PCDH15: variants seen among roughly 807,000 people sequenced by gnomAD.
The protein encoded by PCDH15 is protocadherin-15.
PCDH15 carries 129 observed loss-of-function variants against 178.5 expected under a neutral mutation model. The observed-to-expected ratio is 0.72, with a 90% CI of 0.63 to 0.84. The LOEUF is 0.84. Ranked by LOEUF, PCDH15 falls within the 40% of genes least tolerant of loss-of-function variation. The pLI, the probability that PCDH15 is intolerant of heterozygous loss-of-function variation, is 0.00. For synonymous variants in PCDH15, 800 were observed against 732.0 expected, an observed-to-expected ratio of 1.09 and a Z score of -1.50; for missense variants, 2,230 against 2,099.9, an observed-to-expected ratio of 1.06 and a Z score of -1.21.
chr10:54,239,432 T>TATATATAGAGAGAGAGAG (rs1554853331), intron 8 of PCDH15, among the ~76,000 whole-genome samples: 5 of 150,560 alleles, frequency 3.3e-5, no homozygotes, highest in African/African-American at 1.2e-4. Flanking sequence ...TATATATATA[T>TATATATAGAGAGAGAGAG]AGAGTAAGAA....
chr10:53,925,583 G>C (rs1370541298), intron 25 of PCDH15, among the ~76,000 whole-genome samples: 2 of 152,200 alleles, frequency 1.3e-5, no homozygotes, highest in South Asian at 4.1e-4. Context: ...ATTTCTCCCT[G>C]ATACAAGCTT....
intron 2 of PCDH15, among the ~76,000 whole-genome samples, chr10:55,047,558 T>C (rs1411329537): frequency 6.6e-6 from 1 of 151,696 alleles, no homozygotes; most frequent in Non-Finnish European, 1.5e-5. Flanking sequence ...AAATAAAGTG[T>C]AGTCAGGAAA....
At chr10:55,384,909 A>G (rs2132006053) in intron 2 of PCDH15, among the ~76,000 whole-genome samples, 1 of 152,244 alleles carries the variant, frequency 6.6e-6, no homozygotes, top group Admixed American at 6.5e-5. Flanking sequence ...GAAAGCAGAG[A>G]CAAAAATAAA....
At chr10:55,219,128 G>C (rs1461884519) in intron 1 of PCDH15, among the ~76,000 whole-genome samples, 1 of 151,834 alleles carries the variant, frequency 6.6e-6, no homozygotes, top group Non-Finnish European at 1.5e-5. Context: ...TTCTTTAGGA[G>C]GAAATTTTCA....
chr10:55,115,489 C>G (rs1352020718), intron 2 of PCDH15, among the ~76,000 whole-genome samples: 1 of 152,156 alleles, frequency 6.6e-6, no homozygotes, highest in Non-Finnish European at 1.5e-5. Flanking sequence ...TGTCTTAGAG[C>G]TGAAACCACT....
At chr10:55,539,107 C>A (rs1841699017) in intron 2 of PCDH15, among the ~76,000 whole-genome samples, 1 of 149,394 alleles carries the variant, frequency 6.7e-6, no homozygotes, top group Admixed American at 6.7e-5. Flanking sequence ...TTCCTTCCTT[C>A]CTTCTTCTAA....
At chr10:55,159,296 T>TTATA (rs58341244) in intron 2 of PCDH15, among the ~76,000 whole-genome samples, 1 of 151,150 alleles carries the variant, frequency 6.6e-6, no homozygotes, top group African/African-American at 2.4e-5. Context: ...CTATATATAG[T>TTATA]TATATATATA....
At chr10:54,591,631 A>G (rs1024827492) in intron 2 of PCDH15, among the ~76,000 whole-genome samples, 15 of 152,196 alleles carry the variant, frequency 9.9e-5, no homozygotes, top group African/African-American at 3.6e-4. Context: ...TAGATAACTA[A>G]TACAGCTAGA....
intron 1 of PCDH15, among the ~76,000 whole-genome samples, chr10:54,727,421 T>C (rs1446003558): frequency 2.6e-5 from 4 of 151,452 alleles, no homozygotes; most frequent in Admixed American, 6.6e-5. Flanking sequence ...AGATACAACA[T>C]ACCAGACTCT....
intron 2 of PCDH15, among the ~76,000 whole-genome samples, chr10:55,576,749 AATGAAAAC>A (rs1280533638): frequency 6.6e-6 from 1 of 152,170 alleles, no homozygotes; most frequent in Non-Finnish European, 1.5e-5. Context: ...AAATGCCTAA[AATGAAAAC>A]ATAGAGTTGG....
intron 2 of PCDH15, among the ~76,000 whole-genome samples, chr10:54,530,454 C>T (rs2083792314): frequency 6.6e-6 from 1 of 152,170 alleles, no homozygotes; most frequent in African/African-American, 2.4e-5. Context: ...TTCTCTCTCA[C>T]AAGAGCTTCT....
intron 21 of PCDH15, among the ~76,000 whole-genome samples, chr10:53,971,730 A>G (rs2089706886): frequency 1.3e-5 from 2 of 152,298 alleles, no homozygotes; most frequent in Admixed American, 6.5e-5. Context: ...CCTACTTACA[A>G]GGGATGTGAA....
chr10:55,616,360 C>T (rs1220382507), intron 2 of PCDH15, among the ~76,000 whole-genome samples: 1 of 152,008 alleles, frequency 6.6e-6, no homozygotes, highest in Non-Finnish European at 1.5e-5. Context: ...ATGTTCATAG[C>T]AAATTCATAA....
intron 26 of PCDH15, among the ~76,000 whole-genome samples, chr10:53,869,598 C>T (rs2079689048): frequency 6.6e-6 from 1 of 152,020 alleles, no homozygotes; most frequent in Admixed American, 6.6e-5. Flanking sequence ...ATGTAAAGCT[C>T]ATTAAAATTT....
intron 2 of PCDH15, among the ~76,000 whole-genome samples, chr10:55,375,756 AT>A (rs559831395): frequency 5.9e-4 from 89 of 149,956 alleles, no homozygotes; most frequent in African/African-American, 1.9e-3. Context: ...AAGCCAGATG[AT>A]TTTTTTTTTA....
At chr10:54,794,429 T>A (rs988138953) in intron 1 of PCDH15, among the ~76,000 whole-genome samples, 1 of 151,822 alleles carries the variant, frequency 6.6e-6, no homozygotes, top group African/African-American at 2.4e-5. Flanking sequence ...GCTCAGTATA[T>A]CCTGAGTGGA....
At chr10:55,344,262 T>C (rs1844682528) in intron 2 of PCDH15, among the ~76,000 whole-genome samples, 1 of 152,136 alleles carries the variant, frequency 6.6e-6, no homozygotes. Flanking sequence ...TTATCTTGGC[T>C]TTTAATCAGA....
At chr10:55,036,645 T>A (rs965991667) in intron 2 of PCDH15, among the ~76,000 whole-genome samples, 1 of 152,200 alleles carries the variant, frequency 6.6e-6, no homozygotes, top group African/African-American at 2.4e-5. Context: ...TTCCTTGACT[T>A]TTGCTGCATT....
intron 14 of PCDH15, among the ~76,000 whole-genome samples, chr10:54,149,952 T>C (rs1425702441): frequency 6.6e-6 from 1 of 152,072 alleles, no homozygotes; most frequent in Non-Finnish European, 1.5e-5. Context: ...AAGAGGGGCA[T>C]TGAGGATGAC....
Sources: allele counts gnomAD v4.1 joint callset (sites outside exome capture counted in the v4.1 genomes callset), GRCh38; gene constraint gnomAD v4.1.1; transcripts MANE v1.5; gene names NCBI Gene and HGNC (gene_info 2026-07-23, HGNC 2026-07-21).